Variants in DENND1A observed in about 807,000 individuals in gnomAD.
The protein encoded by DENND1A is DENN domain-containing protein 1A.
DENND1A carries 51 observed loss-of-function variants against 113.7 expected under a neutral mutation model. The ratio of observed to expected loss-of-function variants is 0.45; its 90% CI spans 0.36 to 0.57. The LOEUF (loss-of-function observed/expected upper bound fraction) is 0.57. DENND1A is among the 20% of genes least tolerant of loss of function. The pLI is 0.00. For synonymous variants in DENND1A, 565 were observed against 570.8 expected (o/e 0.99, Z 0.14); for missense variants, 1,258 against 1,395.9 (o/e 0.90, Z 1.57).
intron 13 of DENND1A, among the ~76,000 whole-genome samples, chr9:123,458,343 C>T (rs1372085172): frequency 6.6e-6 from 1 of 152,124 alleles, no homozygotes; most frequent in Non-Finnish European, 1.5e-5. Flanking sequence ...TTAGAAATAG[C>T]TAACTATTTC....
rs531622110 is a variant in DENND1A, at chr9:123,897,589, G to A, written c.18-18568C>T. 3.9e-5 allele frequency among the ~76,000 whole-genome samples: 6 copies of A among 152,314 alleles called. No individual in the cohort carries two copies. The South Asian group carries it at 6.2e-4, about 16-fold the overall frequency. On this transcript the variant is annotated intron_variant, in intron 1 of 23. Transcript: ENST00000394215. ...ATAAAGGGAGCCGCAGGGCACTGAG[G>A]AGATGGCAAGAGAGGGCAGTTCAAG...
intron 9 of DENND1A, among the ~76,000 whole-genome samples, chr9:123,641,493 C>CT: frequency 6.7e-6 from 1 of 149,416 alleles, no homozygotes; most frequent in African/African-American, 2.5e-5. Flanking sequence ...CCCCAAATTA[C>CT]ACCGGTGGAC....
chr9:123,698,483 T>C (rs975244804), intron 5 of DENND1A, among the ~76,000 whole-genome samples: 8 of 152,224 alleles, frequency 5.3e-5, no homozygotes, highest in African/African-American at 9.6e-5. Flanking sequence ...GGCATCTTAC[T>C]TGGAGACAAA....
chr9:123,384,169 G>GC (rs11394202), intron 22 of DENND1A, among the ~76,000 whole-genome samples: 1,992 of 152,292 alleles, frequency 0.013, 34 homozygotes, highest in African/African-American at 0.046. Context: ...CCCATTTAGT[G>GC]CCCCCCAAAC....
At chr9:123,512,040 T>A (rs1185891953) in intron 13 of DENND1A, among the ~76,000 whole-genome samples, 3 of 152,050 alleles carry the variant, frequency 2.0e-5, no homozygotes, top group Non-Finnish European at 1.5e-5. Flanking sequence ...ATCGAGTAGG[T>A]CACCGTGTTC....
chr9:123,842,997 C>T (rs1842046096), intron 2 of DENND1A: 2 of 421,572 alleles, frequency 4.7e-6, no homozygotes, highest in South Asian at 1.9e-5. Flanking sequence ...CCCCAAGTCC[C>T]TTCCCCAAGC....
At chr9:123,814,550 A>G (rs1837152307) in intron 2 of DENND1A, among the ~76,000 whole-genome samples, 1 of 152,178 alleles carries the variant, frequency 6.6e-6, no homozygotes, top group African/African-American at 2.4e-5. Context: ...TCAATTAGAC[A>G]CAGTATGAGG....
At chr9:123,459,579 A>T (rs1277354954) in intron 13 of DENND1A, among the ~76,000 whole-genome samples, 2 of 152,102 alleles carry the variant, frequency 1.3e-5, no homozygotes, top group Non-Finnish European at 2.9e-5. Context: ...CTAACACCTC[A>T]CTTTTTCTTT....
At chr9:123,706,768 C>A (rs2066234175) in intron 5 of DENND1A, among the ~76,000 whole-genome samples, 3 of 64,060 alleles carry the variant, frequency 4.7e-5, no homozygotes, top group East Asian at 4.2e-4. Context: ...GAGACTCCGT[C>A]TCAAAAAAAA....
intron 8 of DENND1A, among the ~76,000 whole-genome samples, chr9:123,654,171 C>T (rs7851139): frequency 0.053 from 8,038 of 152,206 alleles, 683 homozygotes; most frequent in African/African-American, 0.18. Context: ...GCTCTGAAGA[C>T]GGTGACATGG....
At chr9:123,555,767 T>C (rs915938641) in intron 13 of DENND1A, among the ~76,000 whole-genome samples, 9 of 152,204 alleles carry the variant, frequency 5.9e-5, no homozygotes, top group African/African-American at 1.9e-4. Flanking sequence ...TTCCAGCACC[T>C]TGTGCAAGTA....
chr9:123,504,518 T>C (rs1453779104), intron 13 of DENND1A, among the ~76,000 whole-genome samples: 2 of 152,242 alleles, frequency 1.3e-5, no homozygotes, highest in African/African-American at 2.4e-5. Flanking sequence ...TTAGGTTTTA[T>C]ACAGTTAAAA....
chr9:123,776,165 C>T (rs544903272), intron 3 of DENND1A, among the ~76,000 whole-genome samples: 14 of 152,268 alleles, frequency 9.2e-5, no homozygotes, highest in African/African-American at 3.4e-4. Flanking sequence ...TGTCTGGGCG[C>T]TGTGTATGTG....
chr9:123,922,191 C>T (rs906174884), intron 1 of DENND1A, among the ~76,000 whole-genome samples: 2 of 152,198 alleles, frequency 1.3e-5, no homozygotes, highest in African/African-American at 2.4e-5. Flanking sequence ...TCCTTGGCCT[C>T]CCAAAGTGCT....
chr9:123,382,585 G>A lies in DENND1A; in HGVS notation c.2060C>T (p.Thr687Ile), dbSNP rs1400852304. Residue 687 changes from threonine (T) to isoleucine (I), a missense_variant, in exon 24 of 24, where the codon ACA becomes ATA. By Grantham distance (89) the Thr-to-Ile change is moderately conservative. Coordinates refer to ENST00000394215, the MANE Select transcript of DENND1A (RefSeq NM_001352964.2). ...LGGSERSRGV[T>I]VALKLTHPYN... The stretch of plus-strand genomic sequence containing the variant: ...CGGGTGGGTAAGCTTCAAGGCCACT[G>A]TCACCCCGCGGCTCCTCTCACTCCC... The A allele has an allele frequency of 1.2e-6, 2 of 1,613,942 alleles. No homozygotes were observed. Among genetic ancestry groups the A allele is most frequent in the African/African-American group, 1.3e-5 (1 of 74,908 alleles).
intron 11 of DENND1A, among the ~76,000 whole-genome samples, chr9:123,607,518 C>G (rs199931694): frequency 1.2e-4 from 9 of 77,620 alleles, no homozygotes; most frequent in African/African-American, 3.1e-4. Context: ...CACACACACA[C>G]ACAGAGAGAG....
intron 20 of DENND1A, among the ~76,000 whole-genome samples, chr9:123,407,683 G>A (rs1314875274): frequency 6.6e-6 from 1 of 152,162 alleles, no homozygotes; most frequent in African/African-American, 2.4e-5. Context: ...GATCCCAGCC[G>A]CGTCCGGGGA....
At chr9:123,516,884 C>CAAAAAAAAAAAAAA (rs546001517) in intron 13 of DENND1A, among the ~76,000 whole-genome samples, 209 of 93,334 alleles carry the variant, frequency 2.2e-3, no homozygotes, top group Middle Eastern at 4.9e-3. Flanking sequence ...GACTCTGTCT[C>CAAAAAAAAAAAAAA]AAAAAAAAAA....
In DENND1A at chr9:123,748,140, G is replaced by A. The variant is rs184553118; in HGVS notation, c.302+9563C>T. On this transcript the variant is annotated intron_variant, in intron 5 of 23. Transcript: ENST00000394215. ...AATCAATCTCACACAAATAAATTAT[G>A]TAGTTAAAAACACTCTCAGGAAAGA... Among the ~76,000 whole-genome samples the A allele has an allele frequency of 2.6e-5, 4 of 152,238 alleles. No homozygotes were observed. In the East Asian group the frequency reaches 5.8e-4, roughly 22 times the overall value.
Sources: allele counts gnomAD v4.1 joint callset (sites outside exome capture counted in the v4.1 genomes callset), GRCh38; gene constraint gnomAD v4.1.1; transcripts MANE v1.5; gene names NCBI Gene and HGNC (gene_info 2026-07-23, HGNC 2026-07-21).